LHFPL2: variants seen among roughly 807,000 people sequenced by gnomAD.
The protein encoded by LHFPL2 is LHFPL tetraspan subfamily member 2 protein.
Under a neutral mutation model 17.5 loss-of-function variants are expected in LHFPL2, and 7 were observed. That is an observed-to-expected ratio of 0.40 (90% CI 0.23 to 0.75). The LOEUF is 0.75. Among genes scored for constraint, LHFPL2 ranks in the 30% least tolerant of loss-of-function variants. The pLI is 0.37. For synonymous variants in LHFPL2, 134 were observed against 116.2 expected, an observed-to-expected ratio of 1.15 and a Z score of -0.99; for missense variants, 241 against 294.8, an observed-to-expected ratio of 0.82 and a Z score of 1.34.
chr5:78,631,946 A>AAAAG (rs1314776117), intron 2 of LHFPL2, among the ~76,000 whole-genome samples: 65 of 151,854 alleles, frequency 4.3e-4, no homozygotes, highest in African/African-American at 1.5e-3. Flanking sequence ...AAAAAAAAAA[A>AAAAG]AAAAGAAAAA....
Position 78,509,956 on chromosome 5 carries a change from G to T in LHFPL2, c.258C>A (p.Ala86=), listed in dbSNP as rs1326936955. Residue 86 remains alanine (A), a synonymous_variant, in exon 4 of 5, where the codon GCC becomes GCA. Transcript: ENST00000380345. ...FQRDTLCGPY[A]ESFGEIASGF... is the part of the protein sequence containing the mutation. ...CGCTGGCGATCTCGCCGAAGCTCTCGGCGTAGGGCCCGCACAGCGTGTCCC... is the reference window on the plus strand; with the variant it reads ...CGCTGGCGATCTCGCCGAAGCTCTCTGCGTAGGGCCCGCACAGCGTGTCCC... The T allele has an allele frequency of 1.2e-6, 2 of 1,613,788 alleles. No individual in the cohort carries two copies. The highest frequency in any genetic ancestry group is 2.7e-5 in the African/African-American group (2 of 74,962).
intron 2 of LHFPL2, among the ~76,000 whole-genome samples, chr5:78,624,279 G>A (rs1744957768): frequency 6.6e-6 from 1 of 152,204 alleles, no homozygotes; most frequent in Non-Finnish European, 1.5e-5. Flanking sequence ...ATCCCCTGGA[G>A]AGAAATGAGA....
intron 3 of LHFPL2, among the ~76,000 whole-genome samples, chr5:78,511,907 G>C (rs1049297823): frequency 6.6e-6 from 1 of 152,178 alleles, no homozygotes; most frequent in African/African-American, 2.4e-5. Context: ...CACTGGGTAA[G>C]GGAAGGGAGT....
chr5:78,624,602 T>C (rs933442738), intron 2 of LHFPL2, among the ~76,000 whole-genome samples: 5 of 152,230 alleles, frequency 3.3e-5, no homozygotes, highest in African/African-American at 1.2e-4. Context: ...CATTTCTTGA[T>C]TTTGCAAATT....
At chr5:78,537,061 C>T (rs536131511) in intron 3 of LHFPL2, among the ~76,000 whole-genome samples, 2 of 152,316 alleles carry the variant, frequency 1.3e-5, no homozygotes, top group East Asian at 3.9e-4. Context: ...AGACCCCAAC[C>T]CAGACCCACT....
intron 1 of LHFPL2, among the ~76,000 whole-genome samples, chr5:78,637,455 C>T (rs1465747480): frequency 6.6e-6 from 1 of 152,170 alleles, no homozygotes; most frequent in Non-Finnish European, 1.5e-5. Flanking sequence ...TCATAACCTC[C>T]CTGCCCTAAA....
chr5:78,554,360 C>T (rs904454457), intron 3 of LHFPL2, among the ~76,000 whole-genome samples: 4 of 152,238 alleles, frequency 2.6e-5, no homozygotes, highest in Non-Finnish European at 5.9e-5. Flanking sequence ...GGACATATCC[C>T]AGATCTTGCT....
At chr5:78,606,492 A>G (rs999609325) in intron 2 of LHFPL2, among the ~76,000 whole-genome samples, 41 of 152,344 alleles carry the variant, frequency 2.7e-4, no homozygotes, top group African/African-American at 9.9e-4. Flanking sequence ...GCACTAATGG[A>G]ACAGTTTATT....
intron 2 of LHFPL2, among the ~76,000 whole-genome samples, chr5:78,622,908 C>A (rs1002648344): frequency 6.6e-6 from 1 of 152,048 alleles, no homozygotes; most frequent in African/African-American, 2.4e-5. Flanking sequence ...AGACCCTTAA[C>A]GGGGTCAGGC....
chr5:78,592,076 A>G (rs1388003112), intron 2 of LHFPL2, among the ~76,000 whole-genome samples: 1 of 152,228 alleles, frequency 6.6e-6, no homozygotes, highest in African/African-American at 2.4e-5. Context: ...GTCTTTTCCC[A>G]GTGCTCAAGA....
chr5:78,495,394 A>G (rs1754574295), intron 4 of LHFPL2, among the ~76,000 whole-genome samples: 1 of 152,216 alleles, frequency 6.6e-6, no homozygotes, highest in African/African-American at 2.4e-5. Context: ...ATTTGTACAG[A>G]AAAAGGCCTT....
At chr5:78,618,447 G>A (rs1021864895) in intron 2 of LHFPL2, among the ~76,000 whole-genome samples, 30 of 152,184 alleles carry the variant, frequency 2.0e-4, no homozygotes, top group African/African-American at 7.0e-4. Flanking sequence ...GCCGGTGGAC[G>A]GGCTGGTCTA....
At chr5:78,553,849 G>C (rs955882945) in intron 3 of LHFPL2, among the ~76,000 whole-genome samples, 1 of 152,184 alleles carries the variant, frequency 6.6e-6, no homozygotes, top group Non-Finnish European at 1.5e-5. Flanking sequence ...AGGCTGATTA[G>C]CTCTGAGGAA....
chr5:78,515,260 C>A (rs895502876), intron 3 of LHFPL2, among the ~76,000 whole-genome samples: 69 of 151,232 alleles, frequency 4.6e-4, no homozygotes, highest in Non-Finnish European at 6.5e-4. Flanking sequence ...TCCCACCCAA[C>A]CTATTCCACC....
At position 78,510,074 on chromosome 5, in the gene LHFPL2, G is replaced by A. The variant is rs758193908; in HGVS notation, c.140C>T (p.Ala47Val). 24 of 1,611,962 alleles carry A rather than the reference G, an allele frequency of 1.5e-5. No homozygotes were observed. Among genetic ancestry groups the A allele is most frequent in the Non-Finnish European group, 1.9e-5 (22 of 1,179,112 alleles). ...KARSRGGVEP[A>V]GPGGGSPEPY... ...CTCCGGGGAGCCCCCGCCCGGGCCCGCCGGCTCCACGCCGCCGCGGCTCCT... is the reference window on the plus strand; with the variant it reads ...CTCCGGGGAGCCCCCGCCCGGGCCCACCGGCTCCACGCCGCCGCGGCTCCT... The change falls in exon 4 of 5, where the codon GCG becomes GTG. Residue 47 changes from alanine (A) to valine (V), a missense_variant. By Grantham distance (64) the Ala-to-Val change is moderately conservative (BLOSUM62 0). Transcript: ENST00000380345.
intron 4 of LHFPL2, among the ~76,000 whole-genome samples, chr5:78,508,460 G>A (rs757248103): frequency 2.6e-5 from 4 of 152,070 alleles, no homozygotes; most frequent in Non-Finnish European, 5.9e-5. Flanking sequence ...TAAGGAGCAG[G>A]CCCTCTGTCA....
At chr5:78,565,479 CT>C (rs1195623327) in intron 2 of LHFPL2, among the ~76,000 whole-genome samples, 2 of 152,136 alleles carry the variant, frequency 1.3e-5, no homozygotes, top group Non-Finnish European at 2.9e-5. Context: ...GTCTCAAAGT[CT>C]TTAGGGAACC....
chr5:78,599,182 T>C (rs1743922378), intron 2 of LHFPL2, among the ~76,000 whole-genome samples: 1 of 152,180 alleles, frequency 6.6e-6, no homozygotes, highest in Admixed American at 6.5e-5. Context: ...CCAAGTGTTA[T>C]GGATAAAGTT....
chr5:78,642,042 T>A (rs1444538697), intron 1 of LHFPL2: 2 of 152,232 alleles, frequency 1.3e-5, no homozygotes, highest in Admixed American at 1.3e-4. Flanking sequence ...AAGATTAAGG[T>A]GCCAGGAGAT....
Sources: gnomAD v4.1 joint callset for allele counts (sites outside exome capture counted in the v4.1 genomes callset) on GRCh38, gnomAD v4.1.1 for gene constraint, MANE v1.5 for transcripts, NCBI Gene and HGNC (gene_info 2026-07-23, HGNC 2026-07-21) for gene names.